XRRA1: variants seen among roughly 807,000 people sequenced by gnomAD.
XRRA1 encodes the protein X-ray radiation resistance associated 1.
In XRRA1, 69 loss-of-function variants were observed where a neutral mutation model predicts 80.2. The ratio of observed to expected loss-of-function variants is 0.86; its 90% confidence interval spans 0.71 to 1.05. XRRA1 has a LOEUF of 1.05. XRRA1 is among the 50% of genes least tolerant of loss of function. XRRA1 has a pLI of 0.00. For synonymous variants in XRRA1, 348 were observed against 389.9 expected, an observed-to-expected ratio of 0.89 and a Z score of 1.27; for missense variants, 967 against 976.4, an observed-to-expected ratio of 0.99 and a Z score of 0.13.
chr11:74,904,390 TCAA>T (rs1487615688), intron 10 of XRRA1, among the ~76,000 whole-genome samples: 1 of 151,776 alleles, frequency 6.6e-6, no homozygotes, highest in Non-Finnish European at 1.5e-5. Flanking sequence ...GCCCCAGAGT[TCAA>T]CAATACAGTT....
chr11:74,848,462 C>A lies in XRRA1; in HGVS notation c.1381G>T (p.Val461Leu), dbSNP rs746507275. The change falls in exon 15 of 19, where the codon GTG becomes TTG. Residue 461 changes from valine (V) to leucine (L), a missense_variant and splice_region_variant. Coordinates refer to ENST00000684022, the MANE Select transcript of XRRA1 (RefSeq NM_001378157.1). ...VLMSRKESWK[V>L]KSEIPKVPKQ... Reference sequence around the variant, plus strand: ...GGCACCTTTGGGATTTCGCTTTTCACCTGTCATGGAGAAGGGCCAGAATGA... The same window carrying A: ...GGCACCTTTGGGATTTCGCTTTTCAACTGTCATGGAGAAGGGCCAGAATGA... The A allele has an allele frequency of 1.6e-5, 26 of 1,603,410 alleles. No homozygotes were observed. In the Middle Eastern group the frequency reaches 8.3e-4, roughly 51 times the overall value.
intron 10 of XRRA1, among the ~76,000 whole-genome samples, chr11:74,904,393 A>G (rs2054142407): frequency 6.6e-6 from 1 of 152,024 alleles, no homozygotes; most frequent in African/African-American, 2.4e-5. Context: ...CCAGAGTTCA[A>G]CAATACAGTT....
chr11:74,947,544 T>C (rs2140144041), intron 1 of XRRA1, among the ~76,000 whole-genome samples: 1 of 151,726 alleles, frequency 6.6e-6, no homozygotes, highest in South Asian at 2.1e-4. Flanking sequence ...TCTCAAAAAA[T>C]AAAAAATAAA....
intron 10 of XRRA1, among the ~76,000 whole-genome samples, chr11:74,882,956 G>A (rs1434048149): frequency 6.6e-6 from 1 of 152,180 alleles, no homozygotes; most frequent in Non-Finnish European, 1.5e-5. Flanking sequence ...GGTTACTGCT[G>A]TCTTTTTGTT....
At chr11:74,902,807 T>G (rs1248095452) in intron 10 of XRRA1, among the ~76,000 whole-genome samples, 1 of 152,022 alleles carries the variant, frequency 6.6e-6, no homozygotes, top group African/African-American at 2.4e-5. Context: ...GTGGGGATGG[T>G]TAATTGATAC....
chr11:74,852,080 G>A lies in XRRA1; in HGVS notation c.1173C>T (p.Ile391=), dbSNP rs768932777. ...CTGGTAGGACAGCATCCTCTTTTGC[G>A]ATCTGTAATGAATGCAGGAGAGACT... The part of the protein sequence containing the change: ...LRYLSLAYNK[I]AKEDAVLPVA... Residue 391 remains isoleucine, a splice_region_variant and synonymous_variant, in exon 13 of 19, where the codon ATC becomes ATT. Coordinates refer to ENST00000684022, the MANE Select transcript of XRRA1 (RefSeq NM_001378157.1). 97 of 1,613,180 alleles carry A rather than the reference G, an allele frequency of 6.0e-5. No homozygotes were observed. In the East Asian group the frequency reaches 8.2e-4, roughly 14 times the overall value.
At chr11:74,875,545 A>C (rs541748141) in intron 10 of XRRA1, among the ~76,000 whole-genome samples, 1 of 152,316 alleles carries the variant, frequency 6.6e-6, no homozygotes, top group South Asian at 2.1e-4. Context: ...ACTTAATAAC[A>C]GTCAAGCAGC....
intron 1 of XRRA1, among the ~76,000 whole-genome samples, chr11:74,948,572 T>A (rs976581895): frequency 6.6e-5 from 10 of 152,232 alleles, no homozygotes; most frequent in African/African-American, 2.2e-4. Context: ...TTGGTTTTGA[T>A]TTTTTTTAAA....
At chr11:74,908,310 A>C (rs2055083638) in intron 8 of XRRA1, among the ~76,000 whole-genome samples, 1 of 152,156 alleles carries the variant, frequency 6.6e-6, no homozygotes, top group South Asian at 2.1e-4. Flanking sequence ...AAGTGGGATG[A>C]CTCAAACTAG....
chr11:74,887,977 G>A (rs1398229472), intron 10 of XRRA1, among the ~76,000 whole-genome samples: 1 of 152,214 alleles, frequency 6.6e-6, no homozygotes, highest in African/African-American at 2.4e-5. Context: ...GCCTGCCTCT[G>A]TAGACTCCAC....
chr11:74,894,868 T>C (rs1273567170), intron 10 of XRRA1, among the ~76,000 whole-genome samples: 1 of 152,116 alleles, frequency 6.6e-6, no homozygotes, highest in African/African-American at 2.4e-5. Context: ...TATAAAACTG[T>C]CCAGGGATAT....
At chr11:74,874,825 C>A (rs1369761982) in intron 10 of XRRA1, among the ~76,000 whole-genome samples, 1 of 152,092 alleles carries the variant, frequency 6.6e-6, no homozygotes, top group Non-Finnish European at 1.5e-5. Flanking sequence ...CTCAGGGAAA[C>A]TTCCCTAGAA....
chr11:74,859,016 C>T (rs754284499), intron 12 of XRRA1, 142 bp downstream of exon 12: 26 of 1,206,220 alleles, frequency 2.2e-5, no homozygotes, highest in Non-Finnish European at 2.9e-5. Context: ...ACTCCTTCCA[C>T]TTTCCCCACC....
chr11:74,872,928 C>A (rs2045191281), intron 10 of XRRA1, among the ~76,000 whole-genome samples: 1 of 152,138 alleles, frequency 6.6e-6, no homozygotes, highest in African/African-American at 2.4e-5. Flanking sequence ...TTCTCAACCC[C>A]TTAGTTGTAG....
rs375095469 is a variant in XRRA1 at position 74,852,018 on chromosome 11, T to G, written c.1235A>C (p.His412Pro). ...LFPSLCEFVF[H>P]NNPLVAHTRG... ...TGTATGGGCCACCAGAGGGTTGTTATGAAAGACGAACTCGCAGAGAGATGG... is the reference window on the plus strand; with the variant it reads ...TGTATGGGCCACCAGAGGGTTGTTAGGAAAGACGAACTCGCAGAGAGATGG... Residue 412 changes from histidine (H) to proline (P), a missense_variant, in exon 13 of 19, where the codon CAT becomes CCT. Coordinates refer to ENST00000684022, the MANE Select transcript of XRRA1 (RefSeq NM_001378157.1). The G allele has an allele frequency of 1.2e-6, 2 of 1,613,964 alleles. No homozygotes were observed. The highest frequency in any genetic ancestry group is 1.7e-5 in the Admixed American group (1 of 60,024).
rs758770121 is a variant in XRRA1, at chr11:74,921,380, A to T, written c.523-33T>A. 7 of 1,612,820 alleles carry T rather than the reference A, an allele frequency of 4.3e-6. No individual in the cohort carries two copies. The Admixed American group carries it at 1.2e-4, about 27-fold the overall frequency. Reference sequence around the variant, plus strand: ...GCAAAGATGAAAGATGGGGAAGGTAAGCACTCTGTGTGACAACAATGCTCA... The same window carrying T: ...GCAAAGATGAAAGATGGGGAAGGTATGCACTCTGTGTGACAACAATGCTCA... On this transcript the variant is annotated intron_variant, in intron 7 of 18. Coordinates refer to ENST00000684022, the MANE Select transcript of XRRA1 (RefSeq NM_001378157.1).
chr11:74,922,256 CAAAAAAAAAAA>C (rs398016677), intron 7 of XRRA1, among the ~76,000 whole-genome samples: 2 of 69,678 alleles, frequency 2.9e-5, no homozygotes, highest in African/African-American at 1.3e-4. Context: ...GACTCTGCCT[CAAAAAAAAAAA>C]AAAAAAAAAA....
intron 10 of XRRA1, among the ~76,000 whole-genome samples, chr11:74,884,442 A>T (rs1007186593): frequency 1.3e-5 from 2 of 152,198 alleles, no homozygotes; most frequent in African/African-American, 4.8e-5. Context: ...TTCATACCCT[A>T]TGCAAATGGC....
In XRRA1 at chr11:74,940,731, C is replaced by T. The variant is rs1946162032; in HGVS notation, c.94+54G>A. 2.1e-6 allele frequency: 3 copies of T among 1,446,544 alleles called. No homozygotes were observed. In the South Asian group the frequency reaches 3.7e-5, roughly 18 times the overall value. The allele number at this position is 1,446,544 out of a possible 1,614,324, so 89.6% of individuals were successfully genotyped here. A position where few individuals can be genotyped will look rare whatever the true frequency, so the allele number is the denominator to read the frequency against. On this transcript the variant is annotated intron_variant, in intron 3 of 18. Transcript: ENST00000684022. Reference sequence around the variant, plus strand: ...GAAGAACAAGTAGATGTGAGATGGTCTAAAGCACGAGCTAGGTATGAGGAA... The same window carrying T: ...GAAGAACAAGTAGATGTGAGATGGTTTAAAGCACGAGCTAGGTATGAGGAA...
Sources: allele counts gnomAD v4.1 joint callset (sites outside exome capture counted in the v4.1 genomes callset), GRCh38; gene constraint gnomAD v4.1.1; transcripts MANE v1.5; gene names NCBI Gene and HGNC (gene_info 2026-07-23, HGNC 2026-07-21).